The following TATDN3 variants were observed in gnomAD, a reference collection of about 807,000 sequenced individuals.
The protein encoded by TATDN3 is TatD DNase domain containing 3, also known as deoxyribonuclease TATDN3.
A neutral mutation model predicts 40.1 loss-of-function variants in TATDN3; 29 were observed. That is an observed-to-expected ratio of 0.72 (90% CI 0.54 to 0.99). The LOEUF is 0.99. Ranked by LOEUF, TATDN3 falls within the 50% of genes least tolerant of loss-of-function variation. The pLI is 0.00. For missense variants in TATDN3, 309 were observed against 321.9 expected (o/e 0.96, Z 0.31); for synonymous variants, 105 against 117.0 (o/e 0.90, Z 0.66).
At chr1:212,794,468 G>A (rs1661595101) in intron 1 of TATDN3, among the ~76,000 whole-genome samples, 1 of 152,090 alleles carries the variant, frequency 6.6e-6, no homozygotes, top group African/African-American at 2.4e-5. Flanking sequence ...GCGGTCACCT[G>A]TAATCCCAGC....
intron 2 of TATDN3, 38 bp downstream of exon 2, chr1:212,795,165 T>G (rs745443193): frequency 6.4e-7 from 1 of 1,561,766 alleles, no homozygotes; most frequent in Admixed American, 1.7e-5. Context: ...TGGTTTTTTA[T>G]TTTAACTATC....
chr1:212,808,054 T>C (rs1662646260), intron 8 of TATDN3, among the ~76,000 whole-genome samples: 1 of 152,174 alleles, frequency 6.6e-6, no homozygotes, highest in African/African-American at 2.4e-5. Flanking sequence ...GGCTCACGCT[T>C]GTAATCCCAG....
rs1558084006 is a variant in TATDN3, at chr1:212,806,838, A to ACATATATACATATG, written c.488-898_488-897insCATATATACATATG. ...TATACACATATATACATATATATAC[A>ACATATATACATATG]TATATACACATATATACATATGTAT... On this transcript the variant is annotated intron_variant, in intron 7 of 9. Transcript: ENST00000366974. 5.3e-3 allele frequency among the ~76,000 whole-genome samples: 239 copies of ACATATATACATATG among 44,850 alleles called. 5 individuals are homozygous for ACATATATACATATG. Among genetic ancestry groups the ACATATATACATATG allele is most frequent in the South Asian group, 0.018 (24 of 1,300 alleles). The allele number at this position is 44,850 out of a possible 152,430, so 29.4% of individuals were successfully genotyped here.
In TATDN3 at chr1:212,797,515, A is replaced by G. The variant is rs372161788; in HGVS notation, c.258+319A>G. The G allele has an allele frequency of 1.9e-5, 4 of 205,894 alleles. No homozygotes were observed. The East Asian group carries it at 4.5e-4, about 23-fold the overall frequency. 12.8% of individuals were successfully genotyped at this position (205,894 alleles called of 1,614,324 possible). A position where few individuals can be genotyped will look rare whatever the true frequency, so the allele number is the denominator to read the frequency against. ...TATAATATAGGGAGAAAAGCAGGAT[A>G]CCAAATAGCATATTCACTATGAGTG... is the stretch of plus-strand genomic sequence containing the variant. On this transcript the variant is annotated intron_variant, in intron 4 of 9. Coordinates refer to ENST00000366974, the MANE Select transcript of TATDN3 (RefSeq NM_001042552.3).
chr1:212,794,418 C>A (rs1317862048), intron 1 of TATDN3, among the ~76,000 whole-genome samples: 2 of 152,056 alleles, frequency 1.3e-5, no homozygotes, highest in Non-Finnish European at 2.9e-5. Flanking sequence ...TGGTGAAACA[C>A]CATCTCTACT....
Position 212,813,862 on chromosome 1 carries a change from C to T in TATDN3, c.682-1151C>T, listed in dbSNP as rs141788475. The stretch of plus-strand genomic sequence containing the variant: ...AGTAGCTGGGATTACAGGCTTGTGC[C>T]ACCACGCCCGGCTGATTTTTGTATT... On this transcript the variant is annotated intron_variant, in intron 9 of 9. Transcript: ENST00000366974. Among the ~76,000 whole-genome samples the T allele has an allele frequency of 3.7e-3, 560 of 152,202 alleles. 6 individuals carry two copies. Among genetic ancestry groups the T allele is most frequent in the Non-Finnish European group, 2.8e-3 (189 of 68,012 alleles).
In TATDN3 at chr1:212,807,812, C is replaced by A; in HGVS notation, c.564C>A (p.Phe188Leu). Residue 188 changes from phenylalanine (F) to leucine (L), a missense_variant, in exon 8 of 10, where the codon TTC becomes TTA. By Grantham distance (22) the Phe-to-Leu change is conservative. Transcript: ENST00000366974. ...VAMEGVRAGY[F>L]FSIPPSIIRS... is the part of the protein sequence containing the mutation. Reference sequence around the variant, plus strand: ...TGGAAGGAGTAAGAGCTGGGTACTTCTTCTCAATTCCCCCTTCTATCATAA... The same window carrying A: ...TGGAAGGAGTAAGAGCTGGGTACTTATTCTCAATTCCCCCTTCTATCATAA... 4 of 1,613,710 alleles carry A rather than the reference C, an allele frequency of 2.5e-6. No homozygotes were observed. The highest frequency in any genetic ancestry group is 2.2e-5 in the East Asian group (1 of 44,870).
intron 9 of TATDN3, among the ~76,000 whole-genome samples, chr1:212,813,842 C>T (rs892334186): frequency 6.6e-6 from 1 of 152,102 alleles, no homozygotes; most frequent in Non-Finnish European, 1.5e-5. Context: ...TCCCTAGTAG[C>T]TGGGATTACA....
chr1:212,799,410 G>T (rs1044720189), intron 4 of TATDN3, among the ~76,000 whole-genome samples: 1 of 152,162 alleles, frequency 6.6e-6, no homozygotes, highest in African/African-American at 2.4e-5. Context: ...GATGCTGGAT[G>T]GGACCAGAGT....
intron 2 of TATDN3, among the ~76,000 whole-genome samples, chr1:212,795,638 T>C (rs1018850584): frequency 3.9e-5 from 6 of 152,082 alleles, no homozygotes; most frequent in African/African-American, 1.4e-4. Flanking sequence ...GTGTCAAACT[T>C]CTGAGCTCAA....
chr1:212,794,319 G>A lies in TATDN3; in HGVS notation c.67-776G>A, dbSNP rs116947149. On this transcript the variant is annotated intron_variant, in intron 1 of 9. Transcript: ENST00000366974. Reference sequence around the variant, plus strand: ...AAAATTGGGGACTCAGGCTGGGTTCGATGGCTCACACCTGTAGTCCCAGCA... The same window carrying A: ...AAAATTGGGGACTCAGGCTGGGTTCAATGGCTCACACCTGTAGTCCCAGCA... Among the ~76,000 whole-genome samples the A allele has an allele frequency of 4.3e-3, 649 of 150,282 alleles. 10 individuals carry two copies. Among genetic ancestry groups the A allele is most frequent in the East Asian group, 0.041 (206 of 5,050 alleles).
intron 1 of TATDN3, among the ~76,000 whole-genome samples, chr1:212,794,339 C>G (rs1259335112): frequency 3.3e-5 from 5 of 149,302 alleles, no homozygotes; most frequent in Non-Finnish European, 7.4e-5. Flanking sequence ...ACCTGTAGTC[C>G]CAGCACTTTG....
rs527620836 is a variant in TATDN3, at chr1:212,794,043, G to A, written c.67-1052G>A. ...TGCCTGTAATCTCAGCACTTTGGGA[G>A]GCCGAGGTGGGCAGATCATAAGGTT... is the stretch of plus-strand genomic sequence containing the variant. On this transcript the variant is annotated intron_variant, in intron 1 of 9. Transcript: ENST00000366974. 3.9e-5 allele frequency among the ~76,000 whole-genome samples: 6 copies of A among 152,236 alleles called. No homozygotes were observed. The East Asian group carries it at 9.7e-4, about 25-fold the overall frequency.
intron 8 of TATDN3, among the ~76,000 whole-genome samples, chr1:212,811,288 A>G (rs1662858379): frequency 6.6e-6 from 1 of 151,952 alleles, no homozygotes; most frequent in South Asian, 2.1e-4. Context: ...AGCCACCACT[A>G]CGCCCGGCTA....
At chr1:212,794,472 T>C (rs1055027224) in intron 1 of TATDN3, among the ~76,000 whole-genome samples, 2 of 151,954 alleles carry the variant, frequency 1.3e-5, no homozygotes, top group Non-Finnish European at 2.9e-5. Context: ...TCACCTGTAA[T>C]CCCAGCTACT....
intron 3 of TATDN3, 146 bp downstream of exon 3, chr1:212,796,736 T>C (rs1168075506): frequency 1.4e-5 from 8 of 570,994 alleles, no homozygotes; most frequent in South Asian, 7.9e-5. Context: ...TTTCTACTTA[T>C]TCCTTTTTTT....
intron 4 of TATDN3, among the ~76,000 whole-genome samples, chr1:212,798,475 C>T (rs112913782): frequency 0.023 from 3,369 of 146,386 alleles, 61 homozygotes; most frequent in South Asian, 0.041. Context: ...GATGGGAGGA[C>T]CACTTGAGCT....
rs779844019 is a variant in TATDN3 at position 212,791,935 on chromosome 1, G to A, written c.14G>A (p.Gly5Asp). 12 of 1,613,668 alleles carry A rather than the reference G, an allele frequency of 7.4e-6. No individual in the cohort carries two copies. Among genetic ancestry groups the A allele is most frequent in the East Asian group, 2.2e-5 (1 of 44,856 alleles). The change falls in exon 1 of 10, where the codon GGC becomes GAC. Residue 5 changes from glycine (G) to aspartate (D), a missense_variant. Transcript: ENST00000366974. MRAA[G>D]VGLVDCHCHL... ...CGCCGGGGCGCAATGCGAGCGGCTG[G>A]CGTAGGCTTGGTGGACTGTCACTGC...
At chr1:212,796,753 T>G (rs777193714) in intron 3 of TATDN3, 163 bp downstream of exon 3, 8 of 535,750 alleles carry the variant, frequency 1.5e-5, no homozygotes, top group Non-Finnish European at 2.2e-5. Context: ...TTTTTTTCTT[T>G]GAGAGATGGA....
Sources: gnomAD v4.1 joint callset for allele counts (sites outside exome capture counted in the v4.1 genomes callset) on GRCh38, gnomAD v4.1.1 for gene constraint, MANE v1.5 for transcripts, NCBI Gene and HGNC (gene_info 2026-07-23, HGNC 2026-07-21) for gene names.